The following CDKN2B-AS1 variants were observed in gnomAD, a reference collection of about 807,000 sequenced individuals.
CDKN2B-AS1 encodes the protein CDKN2B and CDKN2A antisense cis and trans regulatory RNA 1, also known as CDKN2B antisense RNA 1 (non-protein coding).
rs1820755811 is a variant in CDKN2B-AS1, at chr9:21,997,867, T to G, written n.29+2706T>G. The stretch of plus-strand genomic sequence containing the variant: ...AACTGTCACATTATCCCGTCATGCC[T>G]GAGGGGTTCTCTGACCCTCAGTTTT... On this transcript the variant is annotated intron_variant and non_coding_transcript_variant, in intron 1 of 4. Transcript: ENST00000650946. The surrounding 1 kb of genome is among the most constrained non-coding windows in gnomAD (Gnocchi z 4.8). Among the ~76,000 whole-genome samples, 1 of 152,182 alleles carries G rather than the reference T, an allele frequency of 6.6e-6. No individual in the cohort carries two copies. The highest frequency in any genetic ancestry group is 2.4e-5 in the African/African-American group (1 of 41,440).
intron 1 of CDKN2B-AS1, among the ~76,000 whole-genome samples, chr9:22,021,173 T>C (rs597816): frequency 0.27 from 41,684 of 152,164 alleles, 7,444 homozygotes; most frequent in Non-Finnish European, 0.4. Context: ...TTGTTGAAGA[T>C]CAGATAGTTG....
chr9:22,019,877 A>G (rs1048108656), intron 1 of CDKN2B-AS1, among the ~76,000 whole-genome samples: 1 of 152,296 alleles, frequency 6.6e-6, no homozygotes, highest in Admixed American at 6.5e-5. Context: ...TTTAAAAAAA[A>G]CTTTTAAGTT....
At chr9:22,018,868 G>A (rs1821899930) in intron 1 of CDKN2B-AS1, among the ~76,000 whole-genome samples, 1 of 152,134 alleles carries the variant, frequency 6.6e-6, no homozygotes, top group Non-Finnish European at 1.5e-5. Flanking sequence ...CTAGGTACAG[G>A]TGATAAACAA....
chr9:22,016,368 C>T (rs1167083101), intron 1 of CDKN2B-AS1, among the ~76,000 whole-genome samples: 1 of 152,210 alleles, frequency 6.6e-6, no homozygotes, highest in Non-Finnish European at 1.5e-5. Context: ...AATGGCCATA[C>T]TGCCCAAGGT....
intron 4 of CDKN2B-AS1, among the ~76,000 whole-genome samples, chr9:22,067,546 A>ATG (rs1324396821): frequency 5.3e-5 from 8 of 152,202 alleles, no homozygotes; most frequent in Non-Finnish European, 1.2e-4. Context: ...ACACGCACGC[A>ATG]CACACACACG....
intron 3 of CDKN2B-AS1, among the ~76,000 whole-genome samples, chr9:22,053,789 A>G (rs1823448518): frequency 6.6e-6 from 1 of 152,172 alleles, no homozygotes; most frequent in African/African-American, 2.4e-5. Context: ...TTTAGACCTG[A>G]TTGCTGTATT....
chr9:22,095,974 G>T (rs904773433), intron 4 of CDKN2B-AS1, among the ~76,000 whole-genome samples: 1 of 151,946 alleles, frequency 6.6e-6, no homozygotes, highest in African/African-American at 2.4e-5. Context: ...TTGAGCCTAT[G>T]TGTGTTTCTG....
intron 3 of CDKN2B-AS1, among the ~76,000 whole-genome samples, chr9:22,056,077 C>T (rs1823553800): frequency 6.9e-6 from 1 of 145,798 alleles, no homozygotes; most frequent in African/African-American, 2.5e-5. Flanking sequence ...CGGAGTCTTG[C>T]AGTGTCGTCT....
chr9:22,108,412 G>A (rs971640476), intron 4 of CDKN2B-AS1, among the ~76,000 whole-genome samples: 1 of 152,108 alleles, frequency 6.6e-6, no homozygotes, highest in Non-Finnish European at 1.5e-5. Context: ...TGGTGAGATC[G>A]GGCACGTTCA....
At chr9:22,090,775 T>C (rs1825052991) in intron 4 of CDKN2B-AS1, among the ~76,000 whole-genome samples, 2 of 152,196 alleles carry the variant, frequency 1.3e-5, no homozygotes, top group Non-Finnish European at 2.9e-5. Flanking sequence ...ATTCTGTAGG[T>C]TGGCTGTTCA....
intron 1 of CDKN2B-AS1, chr9:22,003,487 A>G (rs1028041617): frequency 4.4e-6 from 1 of 228,708 alleles, no homozygotes; most frequent in Non-Finnish European, 8.7e-6. Context: ...AAATTTAAAC[A>G]TCTTGGAATT....
intron 1 of CDKN2B-AS1, among the ~76,000 whole-genome samples, chr9:22,016,951 G>T (rs1821790763): frequency 1.3e-5 from 2 of 152,164 alleles, no homozygotes; most frequent in South Asian, 4.1e-4. Flanking sequence ...TGGCCAGTGG[G>T]AGCCTCTGCA....
rs903632769 is a variant in CDKN2B-AS1 at position 22,006,607 on chromosome 9, C to T, written n.29+11446C>T. On this transcript the variant is annotated intron_variant and non_coding_transcript_variant, in intron 1 of 4. Coordinates refer to ENST00000650946, the Ensembl canonical transcript of CDKN2B-AS1. The surrounding 1 kb of genome is among the most constrained non-coding windows in gnomAD (Gnocchi z 6.4). ...ATTTAGGGGCAGAGTTAAATTTATT[C>T]GGCTTTTAAAGTTTTAAATTATTTG... is the stretch of plus-strand genomic sequence containing the variant. Among the ~76,000 whole-genome samples, 2 of 152,092 alleles carry T rather than the reference C, an allele frequency of 1.3e-5. No individual in the cohort carries two copies. Among genetic ancestry groups the T allele is most frequent in the African/African-American group, 2.4e-5 (1 of 41,420 alleles).
chr9:22,031,205 T>G (rs1822455347), intron 1 of CDKN2B-AS1, among the ~76,000 whole-genome samples: 2 of 152,170 alleles, frequency 1.3e-5, no homozygotes, highest in Admixed American at 6.6e-5. Context: ...AAGCACATAA[T>G]TTGTAAAATC....
rs1042844281 is a variant in CDKN2B-AS1, at chr9:22,005,876, C to G, written n.29+10715C>G. 3 of 1,421,982 alleles carry G rather than the reference C, an allele frequency of 2.1e-6. No individual in the cohort carries two copies. In the African/African-American group the frequency reaches 4.2e-5, roughly 20 times the overall value. 88.1% of individuals were successfully genotyped at this position (1,421,982 alleles called of 1,614,324 possible). On this transcript the variant is annotated intron_variant and non_coding_transcript_variant, in intron 1 of 4. Coordinates refer to ENST00000650946, the Ensembl canonical transcript of CDKN2B-AS1. This position sits in a 1 kb window ranked among gnomAD's most constrained non-coding sequence, Gnocchi z 4.9. ...TGTGAGTCTCAGACAGGCTTGCAGG[C>G]TTACAGGCTTTCCGCCGCTCCCCGT...
chr9:22,042,894 C>A lies in CDKN2B-AS1; in HGVS notation n.30-3857C>A, dbSNP rs551466828. 3.1e-4 allele frequency among the ~76,000 whole-genome samples: 47 copies of A among 152,174 alleles called. No individual in the cohort carries two copies. In the South Asian group the frequency reaches 9.7e-3, roughly 32 times the overall value. On this transcript the variant is annotated intron_variant and non_coding_transcript_variant, in intron 1 of 4. Transcript: ENST00000650946. ...TCAATTATATCCTTAATATGTATGA[C>A]TGAGTGATGTGTTTTCATGACTATG...
chr9:22,103,460 A>T (rs1208578011), intron 4 of CDKN2B-AS1, among the ~76,000 whole-genome samples: 1 of 152,098 alleles, frequency 6.6e-6, no homozygotes, highest in Non-Finnish European at 1.5e-5. Context: ...CTGCATGCTG[A>T]CATCAAGCTT....
chr9:22,043,979 G>T (rs767158156), intron 1 of CDKN2B-AS1, among the ~76,000 whole-genome samples: 2 of 151,892 alleles, frequency 1.3e-5, no homozygotes, highest in Non-Finnish European at 2.9e-5. Flanking sequence ...CATAGCAATG[G>T]TAATAAGAGC....
At chr9:22,037,243 T>A (rs868852660) in intron 1 of CDKN2B-AS1, among the ~76,000 whole-genome samples, 1 of 152,048 alleles carries the variant, frequency 6.6e-6, no homozygotes, top group Non-Finnish European at 1.5e-5. Flanking sequence ...GCTTCTTCAG[T>A]GGGATAAAGA....
Sources: allele counts gnomAD v4.1 joint callset (sites outside exome capture counted in the v4.1 genomes callset), GRCh38; gene constraint gnomAD v4.1.1; non-coding constraint Gnocchi (gnomAD v3.1); transcripts MANE v1.5; gene names NCBI Gene and HGNC (gene_info 2026-07-23, HGNC 2026-07-21).